Variants in ZMIZ1 observed in about 807,000 individuals in gnomAD.
ZMIZ1 encodes the protein zinc finger MIZ-type containing 1, also known as zinc finger MIZ domain-containing protein 1.
Under a neutral mutation model 113.9 loss-of-function variants are expected in ZMIZ1, and 17 were observed. That is an observed-to-expected ratio of 0.15 (90% CI 0.10 to 0.22). The LOEUF is 0.22. ZMIZ1 is among the 10% of genes least tolerant of loss of function. ZMIZ1 has a pLI of 1.00. For missense variants in ZMIZ1, 1,059 were observed against 1,477.8 expected (o/e 0.72, Z 4.65); for synonymous variants, 607 against 603.1 (o/e 1.01, Z -0.09).
At chr10:79,300,963 G>A (rs755064684) in intron 17 of ZMIZ1, 21 bp downstream of exon 17, 5 of 1,604,288 alleles carry the variant, frequency 3.1e-6, no homozygotes, top group Non-Finnish European at 3.4e-6. Flanking sequence ...TGGGCCAGGG[G>A]CAGCGTTGGC....
At chr10:79,141,056 T>C (rs778039186) in intron 3 of ZMIZ1, among the ~76,000 whole-genome samples, 17 of 151,900 alleles carry the variant, frequency 1.1e-4, no homozygotes, top group Non-Finnish European at 1.8e-4. Context: ...TGCAATGGAG[T>C]ACGACTCAGA....
intron 10 of ZMIZ1, among the ~76,000 whole-genome samples, chr10:79,291,938 G>A (rs190059270): frequency 1.3e-5 from 2 of 152,298 alleles, no homozygotes; most frequent in East Asian, 1.9e-4. Flanking sequence ...CCAGGGCCCC[G>A]ACAGCATGCA....
At chr10:79,270,238 G>A (rs1851868317) in intron 7 of ZMIZ1, among the ~76,000 whole-genome samples, 1 of 152,348 alleles carries the variant, frequency 6.6e-6, no homozygotes, top group Admixed American at 6.5e-5. Flanking sequence ...TGGCTACAGG[G>A]GAGTTGCTGG....
At chr10:79,286,082 A>G (rs969045157) in intron 8 of ZMIZ1, among the ~76,000 whole-genome samples, 1 of 152,234 alleles carries the variant, frequency 6.6e-6, no homozygotes, top group Non-Finnish European at 1.5e-5. Flanking sequence ...GATACTGGGC[A>G]GGCCATGCTG....
Position 79,297,596 on chromosome 10 carries a change from T to C in ZMIZ1, c.1414-17T>C. 6.2e-7 allele frequency: 1 copy of C among 1,612,738 alleles called. No individual in the cohort carries two copies. Among genetic ancestry groups the C allele is most frequent in the Non-Finnish European group, 8.5e-7 (1 of 1,178,812 alleles). On this transcript the variant is annotated splice_polypyrimidine_tract_variant and intron_variant, in intron 13 of 24. Coordinates refer to ENST00000334512, the MANE Select transcript of ZMIZ1 (RefSeq NM_020338.4). The stretch of plus-strand genomic sequence containing the variant: ...TTTTCTGCCCCCCACTCAGTGTTGT[T>C]TATCTTGTTTTAATAGCCAGAACAG...
intron 1 of ZMIZ1, among the ~76,000 whole-genome samples, chr10:79,078,569 A>ATTT (rs1842553761): frequency 3.6e-5 from 2 of 55,734 alleles, no homozygotes; most frequent in East Asian, 4.9e-4. Flanking sequence ...CCCACCCCCG[A>ATTT]CTTTTTTTTT....
In ZMIZ1 at chr10:79,234,879, T is replaced by C. The variant is rs141427774; in HGVS notation, c.280+18605T>C. On this transcript the variant is annotated intron_variant, in intron 7 of 24. Transcript: ENST00000334512. Reference sequence around the variant, plus strand: ...CCCGGCAGCAAAGAGAGGTATGGCATCTACACTAGATGTCTTCACTGGGGG... The same window carrying C: ...CCCGGCAGCAAAGAGAGGTATGGCACCTACACTAGATGTCTTCACTGGGGG... Among the ~76,000 whole-genome samples the C allele has an allele frequency of 2.4e-3, 371 of 152,292 alleles. 4 individuals carry two copies. Among genetic ancestry groups the C allele is most frequent in the African/African-American group, 8.5e-3 (353 of 41,554 alleles).
chr10:79,240,208 A>G (rs1849759282), intron 7 of ZMIZ1, among the ~76,000 whole-genome samples: 2 of 152,104 alleles, frequency 1.3e-5, no homozygotes, highest in East Asian at 3.9e-4. Context: ...TCTCTCTCCC[A>G]AGTCATTCCC....
At chr10:79,219,694 T>A (rs765537139) in intron 7 of ZMIZ1, among the ~76,000 whole-genome samples, 19 of 152,210 alleles carry the variant, frequency 1.2e-4, no homozygotes, top group Non-Finnish European at 2.1e-4. Context: ...CCCTTTCCCA[T>A]GCATTGTGTC....
At chr10:79,269,379 C>G (rs577293353) in intron 7 of ZMIZ1, among the ~76,000 whole-genome samples, 4 of 151,870 alleles carry the variant, frequency 2.6e-5, no homozygotes, top group Non-Finnish European at 5.9e-5. Flanking sequence ...CAGGCCTCTT[C>G]CTGGGCCCCT....
chr10:79,108,116 C>A (rs1186909268), intron 1 of ZMIZ1, among the ~76,000 whole-genome samples: 1 of 152,238 alleles, frequency 6.6e-6, no homozygotes, highest in African/African-American at 2.4e-5. Context: ...CACTGGGGCA[C>A]AGGGCCCAGT....
intron 7 of ZMIZ1, among the ~76,000 whole-genome samples, chr10:79,269,175 C>T (rs1251510396): frequency 1.3e-5 from 2 of 152,150 alleles, no homozygotes; most frequent in Non-Finnish European, 2.9e-5. Context: ...TCCCCCGCTG[C>T]GGAGTGGCGC....
At chr10:79,172,022 C>T (rs1394630655) in intron 4 of ZMIZ1, among the ~76,000 whole-genome samples, 2 of 152,298 alleles carry the variant, frequency 1.3e-5, no homozygotes, top group East Asian at 3.9e-4. Context: ...GGGTACATCA[C>T]ATACACTCAA....
At chr10:79,134,576 C>A (rs1414357782) in intron 2 of ZMIZ1, among the ~76,000 whole-genome samples, 1 of 152,218 alleles carries the variant, frequency 6.6e-6, no homozygotes, top group African/African-American at 2.4e-5. Context: ...GGGCTTTGCC[C>A]CACGGCACCC....
chr10:79,094,918 C>G (rs1307148951), intron 1 of ZMIZ1, among the ~76,000 whole-genome samples: 7 of 151,446 alleles, frequency 4.6e-5, no homozygotes, highest in Non-Finnish European at 1.0e-4. Flanking sequence ...CACTGCAGTC[C>G]AGCCTGTGTG....
intron 3 of ZMIZ1, among the ~76,000 whole-genome samples, chr10:79,140,885 C>T (rs925213403): frequency 2.0e-5 from 3 of 152,044 alleles, no homozygotes; most frequent in Admixed American, 6.6e-5. Context: ...CAGGCTGAAG[C>T]GATTCTCCCA....
At chr10:79,121,336 T>TCCTTTCCCTCCCTCCTTCC (rs1234661510) in intron 2 of ZMIZ1, among the ~76,000 whole-genome samples, 5 of 152,340 alleles carry the variant, frequency 3.3e-5, no homozygotes, top group South Asian at 2.1e-4. Flanking sequence ...CACTTCCTTT[T>TCCTTTCCCTCCCTCCTTCC]CCTTTCCCTC....
Position 79,274,795 on chromosome 10 carries a change from C to T in ZMIZ1, c.281-2386C>T, listed in dbSNP as rs373543202. On this transcript the variant is annotated intron_variant, in intron 7 of 24. Coordinates refer to ENST00000334512, the MANE Select transcript of ZMIZ1 (RefSeq NM_020338.4). ...AGGCCCTGTCACGCAGCCAGCCTGCCTTTATTCCCTTTATGGAAACCACTC... is the reference window on the plus strand; with the variant it reads ...AGGCCCTGTCACGCAGCCAGCCTGCTTTTATTCCCTTTATGGAAACCACTC... 1.6e-3 allele frequency among the ~76,000 whole-genome samples: 238 copies of T among 152,364 alleles called. 2 individuals carry two copies. Among genetic ancestry groups the T allele is most frequent in the African/African-American group, 5.4e-3 (225 of 41,588 alleles).
chr10:79,202,189 G>GAA (rs58021590), intron 5 of ZMIZ1, among the ~76,000 whole-genome samples: 45 of 52,620 alleles, frequency 8.6e-4, no homozygotes, highest in African/African-American at 1.8e-3. Context: ...CCCTGTCTCA[G>GAA]AAAAAAAAAA....
Sources: gnomAD v4.1 joint callset for allele counts (sites outside exome capture counted in the v4.1 genomes callset) on GRCh38, gnomAD v4.1.1 for gene constraint, MANE v1.5 for transcripts, NCBI Gene and HGNC (gene_info 2026-07-23, HGNC 2026-07-21) for gene names.